The following ITGB5 variants were observed in gnomAD, a reference collection of about 807,000 sequenced individuals.
ITGB5 encodes integrin beta-5.
In ITGB5, 38 loss-of-function variants were observed where a neutral mutation model predicts 84.8. The ratio of observed to expected loss-of-function variants is 0.45; its 90% confidence interval spans 0.35 to 0.59. The LOEUF (loss-of-function observed/expected upper bound fraction) is 0.59. Ranked by LOEUF, ITGB5 falls within the 20% of genes least tolerant of loss-of-function variation. The pLI is 0.01. For synonymous variants in ITGB5, 393 were observed against 414.4 expected, an observed-to-expected ratio of 0.95 and a Z score of 0.63; for missense variants, 905 against 1,034.5, an observed-to-expected ratio of 0.87 and a Z score of 1.72.
chr3:124,833,977 G>A (rs567022333), intron 5 of ITGB5, among the ~76,000 whole-genome samples: 6 of 152,302 alleles, frequency 3.9e-5, no homozygotes, highest in African/African-American at 1.2e-4. Flanking sequence ...AGTCCACCAG[G>A]GAGGGCTTCT....
rs1021370135 is a variant in ITGB5, at chr3:124,887,025, G to C, written c.-25C>G. ...TGGTGGGGCGCCTCCCTCAGCGGCGGCGCGGTCGCTGCACTCCGCGGGGGC... is the reference window on the plus strand; with the variant it reads ...TGGTGGGGCGCCTCCCTCAGCGGCGCCGCGGTCGCTGCACTCCGCGGGGGC... On this transcript the variant is annotated 5_prime_UTR_variant, in exon 1 of 15. Transcript: ENST00000296181. The C allele has an allele frequency of 1.3e-5, 15 of 1,123,726 alleles. No individual in the cohort carries two copies. Among genetic ancestry groups the C allele is most frequent in the Non-Finnish European group, 1.5e-5 (14 of 917,152 alleles). The allele number at this position is 1,123,726 out of a possible 1,614,324, so 69.6% of individuals were successfully genotyped here.
At chr3:124,848,175 T>C in intron 4 of ITGB5, 134 bp downstream of exon 4, 1 of 923,696 alleles carries the variant, frequency 1.1e-6, no homozygotes, top group Non-Finnish European at 1.7e-6. Flanking sequence ...TGCTTATCAT[T>C]AATCAAATTA....
intron 1 of ITGB5, among the ~76,000 whole-genome samples, chr3:124,898,631 G>C (rs546716332): frequency 1.1e-5 from 1 of 87,684 alleles, no homozygotes; most frequent in Non-Finnish European, 2.2e-5. Context: ...GCGACACAGC[G>C]AGACTCCGTC....
At chr3:124,802,117 C>T (rs1177080072) in intron 9 of ITGB5, among the ~76,000 whole-genome samples, 1 of 152,244 alleles carries the variant, frequency 6.6e-6, no homozygotes, top group East Asian at 1.9e-4. Context: ...CACTCATCAC[C>T]CTCTACGGGG....
chr3:124,896,069 G>A (rs1935094751), intron 1 of ITGB5, among the ~76,000 whole-genome samples: 1 of 152,200 alleles, frequency 6.6e-6, no homozygotes, highest in Non-Finnish European at 1.5e-5. Context: ...AAAAAGCAAT[G>A]TGCTTGCATA....
chr3:124,847,534 C>T (rs1249690910), intron 4 of ITGB5, among the ~76,000 whole-genome samples: 3 of 152,160 alleles, frequency 2.0e-5, no homozygotes, highest in Non-Finnish European at 4.4e-5. Flanking sequence ...CATGTGGGAG[C>T]GGGCATGGCA....
At chr3:124,818,129 G>A (rs1201194519) in intron 7 of ITGB5, among the ~76,000 whole-genome samples, 4 of 152,230 alleles carry the variant, frequency 2.6e-5, no homozygotes, top group East Asian at 3.9e-4. Context: ...TTCAGAAGGC[G>A]TGAAAAGGGC....
intron 1 of ITGB5, among the ~76,000 whole-genome samples, chr3:124,874,078 AC>A (rs1215361122): frequency 2.3e-5 from 3 of 131,336 alleles, no homozygotes; most frequent in Non-Finnish European, 4.9e-5. Context: ...AAAAAAAAAA[AC>A]CCAAGGCTAG....
chr3:124,876,882 C>G lies in ITGB5; in HGVS notation c.71-3351G>C, dbSNP rs373534561. On this transcript the variant is annotated intron_variant, in intron 1 of 14. Transcript: ENST00000296181. ...CAACCTACTGGGAAGCTGGACCTGC[C>G]TGTGTATGTGCTGACAACCTCCTAA... Among the ~76,000 whole-genome samples, 24 of 152,340 alleles carry G rather than the reference C, an allele frequency of 1.6e-4. No homozygotes were observed. The South Asian group carries it at 5.0e-3, about 32-fold the overall frequency.
At chr3:124,788,557 CAAAT>C (rs1055101951) in intron 10 of ITGB5, among the ~76,000 whole-genome samples, 2 of 152,182 alleles carry the variant, frequency 1.3e-5, no homozygotes, top group African/African-American at 4.8e-5. Flanking sequence ...AATCCTGTAA[CAAAT>C]TCTGTTCTCA....
chr3:124,882,470 T>C (rs1579339926), intron 1 of ITGB5, among the ~76,000 whole-genome samples: 1 of 152,104 alleles, frequency 6.6e-6, no homozygotes, highest in African/African-American at 2.4e-5. Context: ...GCAGATATCT[T>C]GGAGGACAGT....
chr3:124,843,059 C>T (rs1019715238), intron 4 of ITGB5, among the ~76,000 whole-genome samples: 2 of 152,240 alleles, frequency 1.3e-5, no homozygotes, highest in Non-Finnish European at 2.9e-5. Flanking sequence ...TTTCTCCCTT[C>T]TCCTTTCCCG....
chr3:124,857,068 C>A (rs573497554), intron 3 of ITGB5, among the ~76,000 whole-genome samples: 3 of 152,192 alleles, frequency 2.0e-5, no homozygotes, highest in Non-Finnish European at 4.4e-5. Flanking sequence ...TCCAGCAGGG[C>A]CAACTTACAC....
chr3:124,862,070 C>T (rs1396876199), intron 2 of ITGB5: 1 of 152,274 alleles, frequency 6.6e-6, no homozygotes, highest in Non-Finnish European at 1.5e-5. Flanking sequence ...GCTTGAAGAG[C>T]TCAGGGGCTT....
intron 10 of ITGB5, among the ~76,000 whole-genome samples, chr3:124,777,480 C>T (rs76718781): frequency 0.019 from 2,914 of 152,364 alleles, 43 homozygotes; most frequent in Non-Finnish European, 0.03. Flanking sequence ...CACCAGAATG[C>T]TTGTCCTTTG....
intron 8 of ITGB5, among the ~76,000 whole-genome samples, chr3:124,813,202 C>T (rs1047567520): frequency 1.3e-5 from 2 of 152,288 alleles, no homozygotes; most frequent in Admixed American, 6.5e-5. Context: ...CAGCCTTTCC[C>T]GTTGGCCAGG....
intron 13 of ITGB5, among the ~76,000 whole-genome samples, chr3:124,764,975 T>C (rs375456923): frequency 1.3e-5 from 2 of 152,248 alleles, no homozygotes; most frequent in South Asian, 4.1e-4. Context: ...CCAACATTTG[T>C]AAGCCTTTAG....
At chr3:124,767,966 G>A (rs927533734) in intron 12 of ITGB5, among the ~76,000 whole-genome samples, 3 of 152,162 alleles carry the variant, frequency 2.0e-5, no homozygotes, top group African/African-American at 7.2e-5. Flanking sequence ...CTACTTGGGA[G>A]GCTGAGGAAA....
intron 6 of ITGB5, 58 bp from the exon 7 acceptor site, chr3:124,819,892 C>G (rs989824265): frequency 4.7e-6 from 6 of 1,265,000 alleles, no homozygotes; most frequent in Non-Finnish European, 7.0e-6. Flanking sequence ...GATACCAGCA[C>G]CTGGCTCCAA....
Sources: gnomAD v4.1 joint callset for allele counts (sites outside exome capture counted in the v4.1 genomes callset) on GRCh38, gnomAD v4.1.1 for gene constraint, MANE v1.5 for transcripts, NCBI Gene and HGNC (gene_info 2026-07-23, HGNC 2026-07-21) for gene names.